PHKA1: variants seen among roughly 807,000 people sequenced by gnomAD.
The protein encoded by PHKA1 is phosphorylase kinase regulatory subunit alpha 1.
A neutral mutation model predicts 110.2 loss-of-function variants in PHKA1; 60 were observed. The ratio of observed to expected loss-of-function variants is 0.54; its 90% CI spans 0.44 to 0.68. The LOEUF (loss-of-function observed/expected upper bound fraction) is 0.68. Ranked by LOEUF, PHKA1 falls within the 30% of genes least tolerant of loss-of-function variation. The pLI, the probability that PHKA1 is intolerant of heterozygous loss-of-function variation, is 0.00. For synonymous variants in PHKA1, 316 were observed against 333.6 expected (o/e 0.95, Z 0.58); for missense variants, 801 against 942.5 (o/e 0.85, Z 1.97).
chrX:72,685,987 G>A (rs2053962531), intron 4 of PHKA1, among the ~76,000 whole-genome samples: 1 of 111,863 alleles, frequency 8.9e-6, no homozygotes, highest in Non-Finnish European at 1.9e-5. Context: ...CTAGTTTGCT[G>A]AACAGTGGGC....
intron 18 of PHKA1, chrX:72,622,473 C>T (rs1316204590): frequency 2.7e-6 from 2 of 752,280 alleles, no homozygotes; most frequent in African/African-American, 4.6e-5. Context: ...ATAATGCCTG[C>T]TCTGCCTAAG....
intron 12 of PHKA1, among the ~76,000 whole-genome samples, chrX:72,652,204 T>A (rs2053438525): frequency 8.9e-6 from 1 of 111,969 alleles, no homozygotes; most frequent in South Asian, 3.7e-4. Context: ...CTTAATCCAT[T>A]ATCAGTAATT....
At chrX:72,679,902 G>A (rs980602936) in intron 5 of PHKA1, among the ~76,000 whole-genome samples, 7 of 111,482 alleles carry the variant, frequency 6.3e-5, no homozygotes, top group African/African-American at 2.0e-4. Flanking sequence ...TGATGAAAGC[G>A]ATATATGCAC....
At chrX:72,626,121 G>A (rs948576116) in intron 17 of PHKA1, among the ~76,000 whole-genome samples, 1 of 108,258 alleles carries the variant, frequency 9.2e-6, no homozygotes. Flanking sequence ...TAGTATGTAC[G>A]TGTGTGTGTG....
At chrX:72,593,796 A>C (rs782585566) in intron 28 of PHKA1, among the ~76,000 whole-genome samples, 1 of 112,743 alleles carries the variant, frequency 8.9e-6, no homozygotes, top group South Asian at 3.7e-4. Context: ...TTTTGAAAGC[A>C]ATCTGGTGAT....
chrX:72,651,173 T>C (rs2053424430), intron 12 of PHKA1, among the ~76,000 whole-genome samples: 1 of 112,016 alleles, frequency 8.9e-6, no homozygotes, highest in South Asian at 3.7e-4. Flanking sequence ...CTTCTGCACA[T>C]CAGAAATCTT....
In PHKA1 at chrX:72,581,005, T is replaced by A; in HGVS notation, c.3669A>T (p.Gln1223His). The change falls in exon 32 of 32, where the codon CAA (glutamine) becomes CAT (histidine). Residue 1223 changes from glutamine to histidine, a missense_variant. By Grantham distance (24) the Gln-to-His change is conservative. This residue lies in a region of PHKA1 where 502 missense variants were observed against 519.2 expected (regional missense o/e 0.97). Coordinates refer to ENST00000373542, the MANE Select transcript of PHKA1 (RefSeq NM_002637.4). ...CAGAAGCCAGGAACCAAAGCCCTCA[T>A]TGCATGGCACAGATGCTGTGGGGCA... ...EFLPHSICAM[Q>H] 3.3e-6 allele frequency: 4 copies of A among 1,210,291 alleles called. No homozygotes were observed. Among genetic ancestry groups the A allele is most frequent in the Non-Finnish European group, 4.5e-6 (4 of 894,502 alleles).
At chrX:72,599,943 T>C in intron 28 of PHKA1, 1 of 481,181 alleles carries the variant, frequency 2.1e-6, no homozygotes, top group Non-Finnish European at 3.8e-6. Flanking sequence ...TTTAAGTCAC[T>C]AGTGGAGTAA....
In PHKA1 at chrX:72,579,048, C is replaced by T. The variant is rs1170964789; in HGVS notation, c.*1954G>A. 4 of 111,967 alleles carry T rather than the reference C, an allele frequency of 3.6e-5. No homozygotes were observed. The highest frequency in any genetic ancestry group is 6.5e-5 in the African/African-American group (2 of 30,774). The allele number at this position is 111,967 out of a possible 1,213,427, so 9.2% of individuals were successfully genotyped here. On this transcript the variant is annotated 3_prime_UTR_variant, in exon 32 of 32. Transcript: ENST00000373542. ...GTAAACTCAGAGAAATGCAGCCCTT[C>T]GAGTAAGTTCAGGCAAATGAGTGTG...
intron 5 of PHKA1, among the ~76,000 whole-genome samples, chrX:72,677,450 G>A (rs782136886): frequency 1.8e-5 from 2 of 111,531 alleles, no homozygotes; most frequent in Admixed American, 1.9e-4. Flanking sequence ...CACTAATTCA[G>A]CAACCACTGA....
chrX:72,645,637 A>C (rs2053351778), intron 13 of PHKA1, among the ~76,000 whole-genome samples: 1 of 112,217 alleles, frequency 8.9e-6, no homozygotes, highest in Non-Finnish European at 1.9e-5. Flanking sequence ...TCCAGGAAAA[A>C]ACATTTGGCA....
At chrX:72,660,874 T>C (rs1397449873) in intron 8 of PHKA1, among the ~76,000 whole-genome samples, 2 of 112,129 alleles carry the variant, frequency 1.8e-5, no homozygotes, top group East Asian at 2.8e-4. Context: ...TTAAGTGTTA[T>C]AGCAAAAAAA....
intron 2 of PHKA1, among the ~76,000 whole-genome samples, chrX:72,705,756 G>A (rs10521352): frequency 0.11 from 12,335 of 111,401 alleles, 557 homozygotes; most frequent in Non-Finnish European, 0.14. Context: ...GACTCAACCC[G>A]TTTTCCTTGA....
chrX:72,707,738 T>A (rs2054312716), intron 2 of PHKA1: 1 of 110,700 alleles, frequency 9.0e-6, no homozygotes, highest in Admixed American at 9.7e-5. Context: ...TGCAAATATG[T>A]TTATTTTACT....
intron 14 of PHKA1, among the ~76,000 whole-genome samples, chrX:72,642,404 A>G (rs2053308101): frequency 8.9e-6 from 1 of 111,814 alleles, no homozygotes. Context: ...CACCAACAGG[A>G]CTTGCATAAA....
intron 6 of PHKA1, among the ~76,000 whole-genome samples, chrX:72,669,357 G>T (rs190570435): frequency 0.048 from 5,246 of 109,075 alleles, 255 homozygotes; most frequent in African/African-American, 0.14. Context: ...CTTTTTTTTT[G>T]TTGTTGTTGT....
chrX:72,631,399 A>G (rs1222661397), intron 16 of PHKA1, among the ~76,000 whole-genome samples: 1 of 110,873 alleles, frequency 9.0e-6, no homozygotes, highest in Non-Finnish European at 1.9e-5. Context: ...CTTCTCTGAT[A>G]CTACTCCTAA....
At chrX:72,698,506 A>G (rs2054159662) in intron 3 of PHKA1, among the ~76,000 whole-genome samples, 1 of 112,395 alleles carries the variant, frequency 8.9e-6, no homozygotes, top group African/African-American at 3.2e-5. Flanking sequence ...AAGCAATTTC[A>G]TACTTATCCC....
At chrX:72,682,660 C>CCGGA (rs1412834848) in intron 5 of PHKA1, among the ~76,000 whole-genome samples, 7 of 101,112 alleles carry the variant, frequency 6.9e-5, no homozygotes, top group Non-Finnish European at 6.1e-5. Flanking sequence ...TGTGCTGTGT[C>CCGGA]CACTCAGGGT....
Sources: gnomAD v4.1 joint callset for allele counts (sites outside exome capture counted in the v4.1 genomes callset) on GRCh38, gnomAD v4.1.1 for gene constraint, gnomAD v4.1.1 regional missense constraint, MANE v1.5 for transcripts, NCBI Gene and HGNC (gene_info 2026-07-23, HGNC 2026-07-21) for gene names.